DGKI: variants seen among roughly 807,000 people sequenced by gnomAD.
DGKI encodes diacylglycerol kinase iota.
A neutral mutation model predicts 147.5 loss-of-function variants in DGKI; 55 were observed. The observed-to-expected ratio is 0.37, with a 90% CI of 0.30 to 0.47. The LOEUF is 0.47. Ranked by LOEUF, DGKI falls within the 20% of genes least tolerant of loss-of-function variation. The pLI is 1.00. For missense variants in DGKI, 1,007 were observed against 1,323.8 expected (o/e 0.76, Z 3.71); for synonymous variants, 469 against 477.1 (o/e 0.98, Z 0.22).
intron 21 of DGKI, among the ~76,000 whole-genome samples, chr7:137,517,276 AG>A (rs1354749012): frequency 5.4e-4 from 52 of 96,524 alleles, no homozygotes; most frequent in Non-Finnish European, 3.0e-4. Flanking sequence ...AAGAAAGAAA[AG>A]AAAAAGAAAG....
intron 10 of DGKI, among the ~76,000 whole-genome samples, chr7:137,604,127 C>T (rs554734093): frequency 1.6e-4 from 25 of 152,226 alleles, no homozygotes; most frequent in South Asian, 4.2e-4. Context: ...TCCATAGGTT[C>T]ATCATTTGGT....
intron 30 of DGKI, among the ~76,000 whole-genome samples, chr7:137,405,320 AC>A (rs1811903178): frequency 6.6e-6 from 1 of 152,014 alleles, no homozygotes; most frequent in African/African-American, 2.4e-5. Context: ...ATTCTAGCTC[AC>A]TCAGCTTACA....
At chr7:137,405,609 G>A (rs1215589525) in intron 30 of DGKI, among the ~76,000 whole-genome samples, 1 of 152,304 alleles carries the variant, frequency 6.6e-6, no homozygotes, top group Non-Finnish European at 1.5e-5. Flanking sequence ...AGTGGAATCT[G>A]TTTCCCAACC....
chr7:137,704,443 G>C (rs1334664817), intron 1 of DGKI, among the ~76,000 whole-genome samples: 1 of 152,028 alleles, frequency 6.6e-6, no homozygotes. Flanking sequence ...CTTGAAGATA[G>C]GTGAATTGTA....
intron 28 of DGKI, among the ~76,000 whole-genome samples, chr7:137,434,742 G>A (rs923306331): frequency 1.3e-5 from 2 of 152,090 alleles, no homozygotes; most frequent in African/African-American, 4.8e-5. Flanking sequence ...GTGAGATTTA[G>A]TAAAGGTAAA....
intron 19 of DGKI, 142 bp from the exon 20 acceptor site, chr7:137,552,710 A>G: frequency 1.3e-6 from 1 of 764,016 alleles, no homozygotes; most frequent in East Asian, 2.7e-5. Flanking sequence ...GGAGTTCCAG[A>G]GCAGCCTGGC....
At chr7:137,416,834 G>C (rs1304940493) in intron 28 of DGKI, among the ~76,000 whole-genome samples, 2 of 152,132 alleles carry the variant, frequency 1.3e-5, no homozygotes, top group African/African-American at 2.4e-5. Flanking sequence ...ATAGGTAGAA[G>C]ATCATATGAC....
chr7:137,640,538 A>G (rs1379542666), intron 6 of DGKI, among the ~76,000 whole-genome samples: 1 of 152,182 alleles, frequency 6.6e-6, no homozygotes, highest in Non-Finnish European at 1.5e-5. Flanking sequence ...CAATGAGTGC[A>G]TGGATCCTCA....
At chr7:137,441,750 T>C (rs76164371) in intron 28 of DGKI, among the ~76,000 whole-genome samples, 2 of 152,142 alleles carry the variant, frequency 1.3e-5, no homozygotes, top group African/African-American at 4.8e-5. Context: ...TCAAGAGACG[T>C]AAGGTTTTAT....
intron 1 of DGKI, among the ~76,000 whole-genome samples, chr7:137,808,519 C>T (rs10267736): frequency 0.43 from 65,336 of 151,968 alleles, 15,012 homozygotes; most frequent in Middle Eastern, 0.59. Flanking sequence ...GCACCAAACT[C>T]GGTTCAAATC....
At chr7:137,776,518 A>C (rs371997598) in intron 1 of DGKI, among the ~76,000 whole-genome samples, 1 of 152,200 alleles carries the variant, frequency 6.6e-6, no homozygotes, top group Admixed American at 6.5e-5. Context: ...TTATTCATAG[A>C]TGCTTAGAAA....
chr7:137,585,454 T>C (rs1448043826), intron 13 of DGKI, 108 bp from the exon 14 acceptor site: 2 of 1,391,272 alleles, frequency 1.4e-6, no homozygotes, highest in African/African-American at 1.4e-5. Flanking sequence ...ATTTTATAAT[T>C]AGCAAGGTTT....
Position 137,521,968 on chromosome 7 carries a change from T to C in DGKI, c.2148-2A>G. ...AGACGATCTGGGACAGACTGGGGAC[T>C]GCAAAACAAGAACCGAGTGGTCAGA... On this transcript the variant is annotated splice_acceptor_variant, in intron 20 of 32. Coordinates refer to ENST00000614521, the MANE Select transcript of DGKI (RefSeq NM_001321708.2). LOFTEE classifies it high-confidence loss of function. 1 of 1,608,392 alleles carries C rather than the reference T, an allele frequency of 6.2e-7. No individual in the cohort carries two copies. Among genetic ancestry groups the C allele is most frequent in the Non-Finnish European group, 8.5e-7 (1 of 1,176,960 alleles).
intron 27 of DGKI, among the ~76,000 whole-genome samples, chr7:137,460,178 A>G (rs907997913): frequency 2.6e-5 from 4 of 152,166 alleles, no homozygotes; most frequent in Non-Finnish European, 4.4e-5. Flanking sequence ...GATTATTACA[A>G]TAAGTGTTCA....
intron 21 of DGKI, chr7:137,514,079 C>A: frequency 3.5e-6 from 2 of 565,108 alleles, no homozygotes; most frequent in Admixed American, 4.6e-5. Context: ...GCCCTCTGAT[C>A]GCCGATCACC....
chr7:137,633,076 G>A (rs777233554), intron 6 of DGKI, among the ~76,000 whole-genome samples: 3 of 152,076 alleles, frequency 2.0e-5, no homozygotes, highest in Non-Finnish European at 4.4e-5. Flanking sequence ...CTCGGGCGTG[G>A]TGACGCATGC....
intron 21 of DGKI, among the ~76,000 whole-genome samples, chr7:137,517,902 TTTAG>T (rs1816836791): frequency 6.6e-6 from 1 of 152,092 alleles, no homozygotes; most frequent in Admixed American, 6.6e-5. Flanking sequence ...AATTGAATGA[TTTAG>T]TTACACTTTC....
chr7:137,472,329 G>A (rs56727404), intron 23 of DGKI, among the ~76,000 whole-genome samples: 1 of 6,328 alleles, frequency 1.6e-4, no homozygotes, highest in Non-Finnish European at 3.0e-3. Flanking sequence ...ATTATTATAT[G>A]TATATATACA....
At chr7:137,553,537 C>A (rs1247710945) in intron 19 of DGKI, among the ~76,000 whole-genome samples, 3 of 146,922 alleles carry the variant, frequency 2.0e-5, no homozygotes, top group Admixed American at 2.0e-4. Flanking sequence ...ATTTGTATAA[C>A]CTCTTCTGAC....
Sources: gnomAD v4.1 joint callset for allele counts (sites outside exome capture counted in the v4.1 genomes callset) on GRCh38, gnomAD v4.1.1 for gene constraint, MANE v1.5 for transcripts, NCBI Gene and HGNC (gene_info 2026-07-23, HGNC 2026-07-21) for gene names.